Variants in C17orf78 observed in about 807,000 individuals in gnomAD.
The protein encoded by C17orf78 is uncharacterized protein C17orf78.
In C17orf78, 27 loss-of-function variants were observed where a neutral mutation model predicts 31.8. The observed-to-expected ratio is 0.85, with a 90% CI of 0.63 to 1.17. C17orf78 has a LOEUF of 1.17. C17orf78 is among the 50% of genes most tolerant of loss of function. The probability of loss-of-function intolerance (pLI) is 0.00; values close to 1 mark genes in which losing one functional copy is unlikely to be tolerated. For missense variants in C17orf78, 258 were observed against 315.2 expected, an observed-to-expected ratio of 0.82 and a Z score of 1.37; for synonymous variants, 106 against 115.1, an observed-to-expected ratio of 0.92 and a Z score of 0.51.
At chr17:37,390,303 A>ATTTTATATATATATATTATAT (rs1167945419) in intron 6 of C17orf78, among the ~76,000 whole-genome samples, 4 of 19,948 alleles carry the variant, frequency 2.0e-4, no homozygotes, top group Admixed American at 2.2e-3. Flanking sequence ...ATTATACATA[A>ATTTTATATATATATATTATAT]TTATATATAT....
At chr17:37,380,280 TG>T (rs2050188165) in intron 3 of C17orf78, among the ~76,000 whole-genome samples, 1 of 60,676 alleles carries the variant, frequency 1.6e-5, no homozygotes, top group African/African-American at 7.7e-5. Context: ...TGTTGTGGGG[TG>T]GGGGGAGGGG....
chr17:37,388,926 C>A, intron 5 of C17orf78, 132 bp downstream of exon 5: 1 of 1,200,960 alleles, frequency 8.3e-7, no homozygotes, highest in Non-Finnish European at 1.2e-6. Flanking sequence ...CACTCACTAG[C>A]TGAGTGGTGT....
intron 3 of C17orf78, among the ~76,000 whole-genome samples, chr17:37,381,526 G>A (rs988685629): frequency 4.0e-5 from 6 of 150,306 alleles, no homozygotes; most frequent in South Asian, 4.2e-4. Flanking sequence ...CTTATAGGTC[G>A]TTCCATTTCA....
chr17:37,390,271 A>AATTATATATTATACATAATT (rs1555672194), intron 6 of C17orf78, among the ~76,000 whole-genome samples: 1 of 51,026 alleles, frequency 2.0e-5, no homozygotes, highest in Non-Finnish European at 3.2e-5. Flanking sequence ...AATTATATAT[A>AATTATATATTATACATAATT]ATATATTATA....
intron 3 of C17orf78, among the ~76,000 whole-genome samples, chr17:37,381,689 G>A (rs1191455762): frequency 1.4e-5 from 2 of 143,678 alleles, no homozygotes; most frequent in Non-Finnish European, 3.0e-5. Flanking sequence ...GTGCAGTGGT[G>A]CGATCTCAGC....
rs951552971 is a variant in C17orf78, at chr17:37,389,320, A to T, written c.708A>T (p.Pro236=). 5.6e-6 allele frequency: 9 copies of T among 1,595,900 alleles called. No homozygotes were observed. Among genetic ancestry groups the T allele is most frequent in the Non-Finnish European group, 7.7e-6 (9 of 1,171,424 alleles). The change falls in exon 6 of 7, where the codon CCA becomes CCT. Residue 236 remains proline (P), a synonymous_variant. Transcript: ENST00000615133. ...GATGGCAAAAGAAGGGAGGCCAGCC[A>T]CCTGGGACAGCTGAATCCAAGCCTG... is the stretch of plus-strand genomic sequence containing the variant. ...LWRWQKKGGQ[P]PGTAESKPDS...
At chr17:37,385,402 G>A (rs1374975488) in intron 3 of C17orf78, among the ~76,000 whole-genome samples, 1 of 152,076 alleles carries the variant, frequency 6.6e-6, no homozygotes, top group African/African-American at 2.4e-5. Context: ...TAACCTGGGA[G>A]GCAGAGGTTG....
chr17:37,390,169 T>C (rs1309026670), intron 6 of C17orf78, among the ~76,000 whole-genome samples: 13,332 of 55,994 alleles, frequency 0.24, 2,447 homozygotes, highest in East Asian at 0.77. Flanking sequence ...TATATATATA[T>C]ATATATACAC....
chr17:37,386,023 A>T lies in C17orf78; in HGVS notation c.406A>T (p.Ile136Phe), dbSNP rs1568088043. ...LLKGKAFLPG[I>F]SQCKVLGASS... ...TTGTTTTATAGCTTTTTTACCAGGG[A>T]TCTCACAATGTAAAGTCCTGGGGGC... Residue 136 changes from isoleucine (I) to phenylalanine (F), a missense_variant, in exon 4 of 7, where the codon ATC (isoleucine) becomes TTC (phenylalanine). Ile to Phe is a conservative substitution (Grantham distance 21). Transcript: ENST00000615133. 6.3e-7 allele frequency: 1 copy of T among 1,591,392 alleles called. No homozygotes were observed. The highest frequency in any genetic ancestry group is 8.6e-7 in the Non-Finnish European group (1 of 1,163,870).
rs748559497 is a variant in C17orf78 at position 37,388,807 on chromosome 17, T to C, written c.633+13T>C. 2 of 1,612,688 alleles carry C rather than the reference T, an allele frequency of 1.2e-6. No individual in the cohort carries two copies. Among genetic ancestry groups the C allele is most frequent in the Non-Finnish European group, 1.7e-6 (2 of 1,179,492 alleles). ...AGTCCCATGTCCTGTAAGTTTGCTGTTGTATTGAATCCTTGAACTTGACCC... is the reference window on the plus strand; with the variant it reads ...AGTCCCATGTCCTGTAAGTTTGCTGCTGTATTGAATCCTTGAACTTGACCC... On this transcript the variant is annotated intron_variant, in intron 5 of 6. Coordinates refer to ENST00000615133, the MANE Select transcript of C17orf78 (RefSeq NM_173625.5).
At chr17:37,385,907 AAT>A in intron 3 of C17orf78, 100 bp from the exon 4 acceptor site, 1 of 748,534 alleles carries the variant, frequency 1.3e-6, no homozygotes, top group East Asian at 2.7e-5. Flanking sequence ...ATGGGACCAC[AAT>A]TGGAAGTTTA....
intron 6 of C17orf78, among the ~76,000 whole-genome samples, chr17:37,390,173 T>TACACACAC (rs1345364710): frequency 6.7e-5 from 3 of 44,970 alleles, no homozygotes; most frequent in South Asian, 5.6e-4. Context: ...TATATATATA[T>TACACACAC]ATACACACAC....
intron 2 of C17orf78, among the ~76,000 whole-genome samples, chr17:37,378,200 C>A (rs573858312): frequency 6.6e-5 from 10 of 152,180 alleles, no homozygotes; most frequent in African/African-American, 1.9e-4. Flanking sequence ...GCAGAACCTA[C>A]CCCTCTCTGC....
chr17:37,391,812 T>C lies in C17orf78; in HGVS notation c.*88T>C. The C allele has an allele frequency of 8.6e-7, 1 of 1,160,704 alleles. No homozygotes were observed. The highest frequency in any genetic ancestry group is 1.7e-5 in the Admixed American group (1 of 57,558). The allele number at this position is 1,160,704 out of a possible 1,614,324, so 71.9% of individuals were successfully genotyped here. A position where few individuals can be genotyped will look rare whatever the true frequency, so the allele number is the denominator to read the frequency against. On this transcript the variant is annotated 3_prime_UTR_variant, in exon 7 of 7. Coordinates refer to ENST00000615133, the MANE Select transcript of C17orf78 (RefSeq NM_173625.5). ...CACATTCTTGCCAATTTCACACTTG[T>C]ATCTTCAGCAGGGACATTACAATCA...
In C17orf78 at chr17:37,389,319, C is replaced by T; in HGVS notation, c.707C>T (p.Pro236Leu). 6.3e-7 allele frequency: 1 copy of T among 1,596,198 alleles called. No homozygotes were observed. Among genetic ancestry groups the T allele is most frequent in the South Asian group, 1.1e-5 (1 of 87,542 alleles). The change falls in exon 6 of 7, where the codon CCA becomes CTA. Residue 236 changes from proline to leucine, a missense_variant. Pro to Leu is a moderately conservative substitution (Grantham distance 98, BLOSUM62 -3). Transcript: ENST00000615133. ...LWRWQKKGGQ[P>L]PGTAESKPDS... Reference sequence around the variant, plus strand: ...AGATGGCAAAAGAAGGGAGGCCAGCCACCTGGGACAGCTGAATCCAAGCCT... The same window carrying T: ...AGATGGCAAAAGAAGGGAGGCCAGCTACCTGGGACAGCTGAATCCAAGCCT...
chr17:37,388,412 T>G (rs1267682796), intron 4 of C17orf78, among the ~76,000 whole-genome samples: 1 of 152,086 alleles, frequency 6.6e-6, no homozygotes, highest in Non-Finnish European at 1.5e-5. Flanking sequence ...CCTATGTGAT[T>G]ATGGAAAATC....
Position 37,379,243 on chromosome 17 carries a change from G to A in C17orf78, c.252G>A (p.Leu84=). ...DSKVKVNLVY[L]ERRPKVKHIL... ...AAGTAAAAGTCAACCTTGTATATTT[G>A]GAGAGAAGGCCAAAGGTCAAGCATA... The change falls in exon 3 of 7, where the codon TTG becomes TTA. Residue 84 remains leucine, a synonymous_variant. Transcript: ENST00000615133. 6.2e-7 allele frequency: 1 copy of A among 1,613,968 alleles called. No homozygotes were observed. The highest frequency in any genetic ancestry group is 8.5e-7 in the Non-Finnish European group (1 of 1,179,900).
chr17:37,383,264 T>C (rs995315227), intron 3 of C17orf78, among the ~76,000 whole-genome samples: 3 of 152,088 alleles, frequency 2.0e-5, no homozygotes, highest in African/African-American at 4.8e-5. Context: ...CATTAGCTCT[T>C]AGAAATTGGG....
intron 6 of C17orf78, among the ~76,000 whole-genome samples, chr17:37,390,583 C>T (rs1264748423): frequency 6.7e-6 from 1 of 148,748 alleles, no homozygotes; most frequent in African/African-American, 2.5e-5. Flanking sequence ...GCCGAGATTG[C>T]GCCACTATAC....
Sources: gnomAD v4.1 joint callset for allele counts (sites outside exome capture counted in the v4.1 genomes callset) on GRCh38, gnomAD v4.1.1 for gene constraint, MANE v1.5 for transcripts, NCBI Gene and HGNC (gene_info 2026-07-23, HGNC 2026-07-21) for gene names.